SRPK2: variants seen among roughly 807,000 people sequenced by gnomAD.
SRPK2 encodes SRSF protein kinase 2.
Under a neutral mutation model 90.8 loss-of-function variants are expected in SRPK2, and 21 were observed. The ratio of observed to expected loss-of-function variants is 0.23; its 90% CI spans 0.16 to 0.33. SRPK2 has a LOEUF of 0.33. Among genes scored for constraint, SRPK2 ranks in the 10% least tolerant of loss-of-function variants. SRPK2 has a pLI of 1.00. For missense variants in SRPK2, 620 were observed against 869.0 expected, an observed-to-expected ratio of 0.71 and a Z score of 3.60; for synonymous variants, 288 against 311.1, an observed-to-expected ratio of 0.93 and a Z score of 0.78.
At chr7:105,377,629 C>T (rs1441315027) in intron 2 of SRPK2, among the ~76,000 whole-genome samples, 1 of 152,032 alleles carries the variant, frequency 6.6e-6, no homozygotes, top group Non-Finnish European at 1.5e-5. Flanking sequence ...ACTTGGGAGG[C>T]AGATGCTGCA....
intron 2 of SRPK2, among the ~76,000 whole-genome samples, chr7:105,350,375 C>T (rs1817022551): frequency 6.7e-6 from 1 of 150,214 alleles, no homozygotes; most frequent in Non-Finnish European, 1.5e-5. Context: ...CGCATCCACC[C>T]ACCTTGGCCT....
At chr7:105,174,703 T>C (rs1288324388) in intron 3 of SRPK2, among the ~76,000 whole-genome samples, 3 of 152,184 alleles carry the variant, frequency 2.0e-5, no homozygotes, top group African/African-American at 4.8e-5. Context: ...AGTAAGGATA[T>C]GGAAGATTTG....
intron 14 of SRPK2, 83 bp from the exon 15 acceptor site, chr7:105,126,423 T>A: frequency 9.8e-7 from 1 of 1,024,298 alleles, no homozygotes; most frequent in Non-Finnish European, 1.5e-6. Flanking sequence ...AAATTGAAAT[T>A]AGTAAAAAAT....
At chr7:105,345,482 G>T (rs887259340) in intron 2 of SRPK2, among the ~76,000 whole-genome samples, 1 of 151,872 alleles carries the variant, frequency 6.6e-6, no homozygotes, top group Non-Finnish European at 1.5e-5. Flanking sequence ...CTAAACAAAT[G>T]AATAATATGA....
In SRPK2 at chr7:105,385,098, T is replaced by TCCTGA. The variant is rs1394835475; in HGVS notation, c.71+3545_71+3549dup. On this transcript the variant is annotated intron_variant, in intron 2 of 15. Transcript: ENST00000393651. ...CGTGTTAGCCAGGATGGTCTCGATC[T>TCCTGA]CCTGACCTCGTGATCCGCCCGCCTC... 4.0e-5 allele frequency among the ~76,000 whole-genome samples: 6 copies of TCCTGA among 149,516 alleles called. No homozygotes were observed. The East Asian group carries it at 1.2e-3, about 30-fold the overall frequency.
chr7:105,193,527 G>A (rs1298150978), intron 3 of SRPK2, among the ~76,000 whole-genome samples: 1 of 152,042 alleles, frequency 6.6e-6, no homozygotes, highest in Non-Finnish European at 1.5e-5. Flanking sequence ...CTCTTTTTCG[G>A]TTCCATGTGA....
chr7:105,384,671 C>G (rs1022893485), intron 2 of SRPK2, among the ~76,000 whole-genome samples: 1 of 152,126 alleles, frequency 6.6e-6, no homozygotes, highest in African/African-American at 2.4e-5. Flanking sequence ...GAATTCTGAT[C>G]CAAACGAAGC....
At chr7:105,155,372 A>G (rs1806347581) in intron 7 of SRPK2, among the ~76,000 whole-genome samples, 1 of 152,230 alleles carries the variant, frequency 6.6e-6, no homozygotes, top group Admixed American at 6.5e-5. Context: ...GAGGCTAAGT[A>G]ACTGATCAGG....
At chr7:105,138,800 A>AAAT (rs1803267518) in intron 11 of SRPK2, among the ~76,000 whole-genome samples, 1 of 152,324 alleles carries the variant, frequency 6.6e-6, no homozygotes, top group East Asian at 1.9e-4. Flanking sequence ...TCCTGTCTCA[A>AAAT]AATAATAATA....
At chr7:105,194,802 A>G (rs576306572) in intron 3 of SRPK2, among the ~76,000 whole-genome samples, 1 of 152,306 alleles carries the variant, frequency 6.6e-6, no homozygotes, top group South Asian at 2.1e-4. Flanking sequence ...ATACAAAGCT[A>G]TAGTAACCAG....
intron 2 of SRPK2, among the ~76,000 whole-genome samples, chr7:105,328,200 G>C (rs1199259100): frequency 6.6e-6 from 1 of 152,270 alleles, no homozygotes; most frequent in Admixed American, 6.5e-5. Context: ...AAATGGATCA[G>C]GGCAGGAGGG....
At chr7:105,360,172 A>G (rs1818269128) in intron 2 of SRPK2, among the ~76,000 whole-genome samples, 1 of 152,126 alleles carries the variant, frequency 6.6e-6, no homozygotes, top group African/African-American at 2.4e-5. Flanking sequence ...GCTGGTTTAA[A>G]GTCTGTTTTA....
rs773257846 is a variant in SRPK2, at chr7:105,203,702, G to A, written c.155C>T (p.Thr52Ile). The change falls in exon 3 of 16, where the codon ACA becomes ATA. Residue 52 changes from threonine to isoleucine, a missense_variant. Thr to Ile is a moderately conservative substitution (Grantham distance 89, BLOSUM62 -1). Transcript: ENST00000393651. ...PPPPPPLPDP[T>I]PPEPEEEILG... is the part of the protein sequence containing the mutation. Reference sequence around the variant, plus strand: ...GATCTCCTCCTCTGGCTCCGGGGGTGTGGGGTCTGGCAAAGGTGGCGGTGG... The same window carrying A: ...GATCTCCTCCTCTGGCTCCGGGGGTATGGGGTCTGGCAAAGGTGGCGGTGG... 1 of 1,598,484 alleles carries A rather than the reference G, an allele frequency of 6.3e-7. No individual in the cohort carries two copies. The highest frequency in any genetic ancestry group is 1.3e-5 in the African/African-American group (1 of 74,250).
chr7:105,126,006 C>G (rs1801148644), intron 15 of SRPK2: 1 of 644,778 alleles, frequency 1.6e-6, no homozygotes, highest in Non-Finnish European at 2.6e-6. Flanking sequence ...ACAGGCCTTC[C>G]TCGCGTTGCT....
intron 2 of SRPK2, among the ~76,000 whole-genome samples, chr7:105,238,991 T>C (rs745689930): frequency 1.3e-5 from 2 of 152,146 alleles, no homozygotes; most frequent in Non-Finnish European, 2.9e-5. Context: ...CCAGGTAAAG[T>C]TATCATCCAA....
chr7:105,281,017 CT>C (rs1352815940), intron 2 of SRPK2, among the ~76,000 whole-genome samples: 1 of 147,468 alleles, frequency 6.8e-6, no homozygotes, highest in Admixed American at 6.8e-5. Flanking sequence ...GTTAGTGCCC[CT>C]AACTCTCAAC....
chr7:105,170,805 G>C (rs1345305274), intron 3 of SRPK2, among the ~76,000 whole-genome samples: 1 of 96,500 alleles, frequency 1.0e-5, no homozygotes, highest in Non-Finnish European at 2.1e-5. Flanking sequence ...GGGAGGGAGG[G>C]AGAGAGAGAG....
chr7:105,276,316 C>T (rs995436930), intron 2 of SRPK2, among the ~76,000 whole-genome samples: 1 of 151,796 alleles, frequency 6.6e-6, no homozygotes, highest in African/African-American at 2.4e-5. Context: ...TGGGCTCAAC[C>T]GATCCTCCCA....
At chr7:105,193,798 A>G (rs902073575) in intron 3 of SRPK2, among the ~76,000 whole-genome samples, 1 of 152,246 alleles carries the variant, frequency 6.6e-6, no homozygotes, top group Non-Finnish European at 1.5e-5. Flanking sequence ...AGAGGTAAAG[A>G]AGACAAAAAC....
Sources: gnomAD v4.1 joint callset for allele counts (sites outside exome capture counted in the v4.1 genomes callset) on GRCh38, gnomAD v4.1.1 for gene constraint, MANE v1.5 for transcripts, NCBI Gene and HGNC (gene_info 2026-07-23, HGNC 2026-07-21) for gene names.